Variants in LRRTM4 observed in about 807,000 individuals in gnomAD.
LRRTM4 encodes leucine-rich repeat transmembrane neuronal protein 4.
In LRRTM4, 25 loss-of-function variants were observed where a neutral mutation model predicts 47.6. The ratio of observed to expected loss-of-function variants is 0.53; its 90% CI spans 0.38 to 0.73. LRRTM4 has a LOEUF of 0.73. LRRTM4 is among the 30% of genes least tolerant of loss of function. LRRTM4 has a pLI of 0.00. For synonymous variants in LRRTM4, 311 were observed against 269.5 expected (o/e 1.15, Z -1.51); for missense variants, 638 against 713.4 (o/e 0.89, Z 1.20).
chr2:77,080,201 T>C (rs1680485768), intron 3 of LRRTM4, among the ~76,000 whole-genome samples: 1 of 152,216 alleles, frequency 6.6e-6, no homozygotes, highest in Admixed American at 6.5e-5. Context: ...AAATTCTTTC[T>C]GTACTTGGCT....
rs940714713 is a variant in LRRTM4, at chr2:76,798,063, T to G, written c.1552-49147A>C. On this transcript the variant is annotated intron_variant, in intron 3 of 3. Coordinates refer to ENST00000409884, the MANE Select transcript of LRRTM4 (RefSeq NM_001134745.3). ...CAATGAGACAGAAAGTCAACAAGGA[T>G]ACCCAGGAATTGAACTCAGCTCTGC... is the stretch of plus-strand genomic sequence containing the variant. Among the ~76,000 whole-genome samples, 5 of 150,440 alleles carry G rather than the reference T, an allele frequency of 3.3e-5. No individual in the cohort carries two copies. The South Asian group carries it at 1.0e-3, about 31-fold the overall frequency.
rs1671090185 is a variant in LRRTM4, at chr2:76,822,799, A to AT, written c.1552-73884dup. Among the ~76,000 whole-genome samples the AT allele has an allele frequency of 2.0e-5, 3 of 151,410 alleles. No individual in the cohort carries two copies. In the South Asian group the frequency reaches 6.2e-4, roughly 31 times the overall value. On this transcript the variant is annotated intron_variant, in intron 3 of 3. Coordinates refer to ENST00000409884, the MANE Select transcript of LRRTM4 (RefSeq NM_001134745.3). The stretch of plus-strand genomic sequence containing the variant: ...CTAACTTCAGAGATTGAGTTTATTT[A>AT]TTATTTATTTATTTATTATTACATA...
intron 3 of LRRTM4, among the ~76,000 whole-genome samples, chr2:76,987,887 A>G (rs1350843942): frequency 6.6e-6 from 1 of 151,882 alleles, no homozygotes; most frequent in Non-Finnish European, 1.5e-5. Context: ...CATATGCCCA[A>G]AAAAGAAAAG....
intron 3 of LRRTM4, among the ~76,000 whole-genome samples, chr2:76,796,034 G>A (rs146605670): frequency 0.01 from 1,220 of 120,110 alleles, 26 homozygotes; most frequent in African/African-American, 0.041. Flanking sequence ...TTCCCTTTCT[G>A]AGTCAAAGAA....
intron 3 of LRRTM4, among the ~76,000 whole-genome samples, chr2:77,258,913 C>T (rs987676667): frequency 4.0e-5 from 6 of 151,596 alleles, no homozygotes; most frequent in African/African-American, 1.5e-4. Flanking sequence ...AAAACAAAAA[C>T]AAAAATAAGA....
chr2:76,864,715 T>C lies in LRRTM4; in HGVS notation c.1552-115799A>G, dbSNP rs115984413. Reference sequence around the variant, plus strand: ...GCATCAGATGGTTCTTAGAATCCCATTCAATTTTTTCCCTTTCTTTTTTAA... The same window carrying C: ...GCATCAGATGGTTCTTAGAATCCCACTCAATTTTTTCCCTTTCTTTTTTAA... On this transcript the variant is annotated intron_variant, in intron 3 of 3. Coordinates refer to ENST00000409884, the MANE Select transcript of LRRTM4 (RefSeq NM_001134745.3). Among the ~76,000 whole-genome samples the C allele has an allele frequency of 1.5e-3, 227 of 151,530 alleles. 3 individuals carry two copies. The highest frequency in any genetic ancestry group is 5.3e-3 in the African/African-American group (219 of 41,330).
chr2:77,100,846 CTTT>C (rs752749316), intron 3 of LRRTM4, among the ~76,000 whole-genome samples: 122 of 122,956 alleles, frequency 9.9e-4, no homozygotes, highest in Non-Finnish European at 1.9e-3. Flanking sequence ...AGCTCTGATT[CTTT>C]TTTTTTTTTT....
chr2:77,006,219 G>A (rs1677639832), intron 3 of LRRTM4, among the ~76,000 whole-genome samples: 1 of 152,086 alleles, frequency 6.6e-6, no homozygotes, highest in Non-Finnish European at 1.5e-5. Flanking sequence ...AGAATAAAAT[G>A]GACCTTAGAA....
At chr2:77,251,270 CA>C (rs1349083450) in intron 3 of LRRTM4, among the ~76,000 whole-genome samples, 2 of 145,342 alleles carry the variant, frequency 1.4e-5, no homozygotes, top group Non-Finnish European at 3.0e-5. Context: ...TACACACACA[CA>C]TATATATATG....
intron 3 of LRRTM4, among the ~76,000 whole-genome samples, chr2:77,061,417 C>T (rs1194233491): frequency 6.6e-6 from 1 of 152,032 alleles, no homozygotes; most frequent in African/African-American, 2.4e-5. Context: ...AATAAACCTG[C>T]AGAGTTGCTG....
intron 3 of LRRTM4, among the ~76,000 whole-genome samples, chr2:77,436,590 A>T (rs916716209): frequency 6.6e-6 from 1 of 151,956 alleles, no homozygotes; most frequent in Non-Finnish European, 1.5e-5. Context: ...CAGAAATAAC[A>T]TGCGTTTAAA....
chr2:77,173,895 T>C (rs914269534), intron 3 of LRRTM4, among the ~76,000 whole-genome samples: 2 of 152,206 alleles, frequency 1.3e-5, no homozygotes, highest in African/African-American at 4.8e-5. Context: ...CTTGAACCTT[T>C]TTCTAAAAGA....
chr2:76,960,702 T>G (rs1675828376), intron 3 of LRRTM4, among the ~76,000 whole-genome samples: 1 of 151,536 alleles, frequency 6.6e-6, no homozygotes, highest in African/African-American at 2.4e-5. Flanking sequence ...CGACGTTAAG[T>G]TTTGAACCTT....
intron 3 of LRRTM4, among the ~76,000 whole-genome samples, chr2:76,957,454 G>A (rs2103902750): frequency 6.6e-6 from 1 of 151,786 alleles, no homozygotes; most frequent in South Asian, 2.1e-4. Context: ...ATAATTTCAA[G>A]GTAAAAGAAC....
intron 3 of LRRTM4, among the ~76,000 whole-genome samples, chr2:77,078,457 G>A (rs1368329198): frequency 2.0e-5 from 3 of 151,974 alleles, no homozygotes; most frequent in Non-Finnish European, 2.9e-5. Context: ...AGGAATTAGC[G>A]ATAAAGTGAC....
intron 3 of LRRTM4, among the ~76,000 whole-genome samples, chr2:76,789,861 T>C (rs1163912005): frequency 6.6e-6 from 1 of 152,166 alleles, no homozygotes; most frequent in Middle Eastern, 3.2e-3. Flanking sequence ...TTTTTTACTT[T>C]AGGGAAATTA....
intron 3 of LRRTM4, among the ~76,000 whole-genome samples, chr2:76,767,698 T>G (rs1339581838): frequency 6.6e-6 from 1 of 152,146 alleles, no homozygotes; most frequent in Non-Finnish European, 1.5e-5. Flanking sequence ...TTCTCTTTCT[T>G]TTACTTCTCT....
At position 76,901,591 on chromosome 2, in the gene LRRTM4, TA is replaced by T. The variant is rs561543848; in HGVS notation, c.1552-152676del. Among the ~76,000 whole-genome samples, 1,362 of 151,904 alleles carry T rather than the reference TA, an allele frequency of 9.0e-3. 9 individuals carry two copies. The highest frequency in any genetic ancestry group is 0.014 in the Non-Finnish European group (947 of 67,938). On this transcript the variant is annotated intron_variant, in intron 3 of 3. Coordinates refer to ENST00000409884, the MANE Select transcript of LRRTM4 (RefSeq NM_001134745.3). ...ACTTTTAAGGTATCTCTAAGCACTG[TA>T]AAAAAAAATTTTTAAAGACTTTTCT...
At chr2:76,765,948 T>G (rs1014806927) in intron 3 of LRRTM4, among the ~76,000 whole-genome samples, 1 of 152,188 alleles carries the variant, frequency 6.6e-6, no homozygotes, top group Admixed American at 6.5e-5. Flanking sequence ...AAACATTTCT[T>G]GAAAGAGAGA....
Sources: gnomAD v4.1 joint callset for allele counts (sites outside exome capture counted in the v4.1 genomes callset) on GRCh38, gnomAD v4.1.1 for gene constraint, MANE v1.5 for transcripts, NCBI Gene and HGNC (gene_info 2026-07-23, HGNC 2026-07-21) for gene names.